Variants in ZNF804A observed in about 807,000 individuals in gnomAD.
The protein encoded by ZNF804A is zinc finger protein 804A.
ZNF804A carries 2 observed loss-of-function variants against 16.5 expected under a neutral mutation model. The observed-to-expected ratio is 0.12, with a 90% CI of 0.05 to 0.38. The LOEUF is 0.38. Ranked by LOEUF, ZNF804A falls within the 10% of genes least tolerant of loss-of-function variation. The probability of loss-of-function intolerance (pLI) is 0.99; values close to 1 mark genes in which losing one functional copy is unlikely to be tolerated. For synonymous variants in ZNF804A, 534 were observed against 489.6 expected (o/e 1.09, Z -1.20); for missense variants, 1,473 against 1,390.7 (o/e 1.06, Z -0.94).
At chr2:184,779,004 T>C (rs1694333429) in intron 1 of ZNF804A, among the ~76,000 whole-genome samples, 1 of 151,728 alleles carries the variant, frequency 6.6e-6, no homozygotes, top group South Asian at 2.1e-4. Context: ...GTAAATTTAA[T>C]AAAAATTAGA....
At chr2:184,599,132 G>A (rs1159455456) in intron 1 of ZNF804A, 62 bp downstream of exon 1, 2 of 1,284,496 alleles carry the variant, frequency 1.6e-6, no homozygotes, top group Non-Finnish European at 1.1e-6. Flanking sequence ...GGAAGATTGA[G>A]TTTTTGGAGG....
intron 1 of ZNF804A, among the ~76,000 whole-genome samples, chr2:184,643,443 A>G (rs1199443365): frequency 6.6e-6 from 1 of 151,962 alleles, no homozygotes; most frequent in Non-Finnish European, 1.5e-5. Flanking sequence ...TGAAAAATTA[A>G]AAAGAGATAT....
At chr2:184,860,329 G>C (rs1463983982) in intron 1 of ZNF804A, among the ~76,000 whole-genome samples, 2 of 152,228 alleles carry the variant, frequency 1.3e-5, no homozygotes, top group African/African-American at 4.8e-5. Flanking sequence ...CTTGGGGCCT[G>C]TGTCCATGGT....
chr2:184,802,529 T>A (rs1260006898), intron 1 of ZNF804A, among the ~76,000 whole-genome samples: 1 of 152,210 alleles, frequency 6.6e-6, no homozygotes, highest in African/African-American at 2.4e-5. Context: ...AATTACCATT[T>A]AACTGTTCAT....
chr2:184,727,934 C>G (rs139930344), intron 1 of ZNF804A, among the ~76,000 whole-genome samples: 18 of 151,782 alleles, frequency 1.2e-4, no homozygotes, highest in African/African-American at 3.9e-4. Flanking sequence ...GAACATTCAA[C>G]TGGTAAATGG....
chr2:184,912,951 T>G (rs999043421), intron 2 of ZNF804A, among the ~76,000 whole-genome samples: 3 of 152,108 alleles, frequency 2.0e-5, no homozygotes, highest in Non-Finnish European at 4.4e-5. Context: ...CCCATTAATA[T>G]ATTTTTCTTT....
At chr2:184,924,823 T>C (rs898859491) in intron 2 of ZNF804A, among the ~76,000 whole-genome samples, 4 of 151,990 alleles carry the variant, frequency 2.6e-5, no homozygotes, top group Non-Finnish European at 5.9e-5. Context: ...AGCATATTGT[T>C]TCATTTTCCT....
intron 1 of ZNF804A, among the ~76,000 whole-genome samples, chr2:184,797,921 C>T (rs1347623737): frequency 6.6e-6 from 1 of 151,836 alleles, no homozygotes; most frequent in African/African-American, 2.4e-5. Context: ...TGACTTATCT[C>T]AGCATTTGTT....
At chr2:184,778,616 T>G (rs1694327643) in intron 1 of ZNF804A, among the ~76,000 whole-genome samples, 1 of 151,670 alleles carries the variant, frequency 6.6e-6, no homozygotes, top group Admixed American at 6.6e-5. Flanking sequence ...CTAGGGTCCC[T>G]ACACAGTAAT....
intron 2 of ZNF804A, among the ~76,000 whole-genome samples, chr2:184,886,115 G>C (rs1684886368): frequency 6.6e-6 from 1 of 152,214 alleles, no homozygotes; most frequent in Admixed American, 6.5e-5. Flanking sequence ...TAGATACAAT[G>C]GAGGTACAGT....
intron 1 of ZNF804A, among the ~76,000 whole-genome samples, chr2:184,771,533 G>A (rs62176238): frequency 1.3e-5 from 2 of 151,604 alleles, no homozygotes; most frequent in South Asian, 4.2e-4. Context: ...GATCACTTGA[G>A]CCTAGGAGTT....
chr2:184,877,210 A>G (rs527256452), intron 2 of ZNF804A, among the ~76,000 whole-genome samples: 25 of 152,230 alleles, frequency 1.6e-4, no homozygotes, highest in African/African-American at 6.0e-4. Context: ...ACCATCCTTT[A>G]ACAAATACAC....
intron 1 of ZNF804A, among the ~76,000 whole-genome samples, chr2:184,732,369 A>G (rs575250561): frequency 2.0e-5 from 3 of 151,756 alleles, no homozygotes; most frequent in East Asian, 3.9e-4. Flanking sequence ...TTACTTCTGG[A>G]CCTTCTATCA....
At chr2:184,893,587 A>T (rs1483271117) in intron 2 of ZNF804A, among the ~76,000 whole-genome samples, 1 of 152,146 alleles carries the variant, frequency 6.6e-6, no homozygotes, top group African/African-American at 2.4e-5. Context: ...ATGAAAGATA[A>T]GAAAATAAAG....
chr2:184,755,086 G>C (rs1342529223), intron 1 of ZNF804A, among the ~76,000 whole-genome samples: 4 of 151,850 alleles, frequency 2.6e-5, no homozygotes, highest in African/African-American at 4.8e-5. Flanking sequence ...AACCATATGA[G>C]AGCAGAATGA....
At chr2:184,698,195 T>C (rs1692865025) in intron 1 of ZNF804A, among the ~76,000 whole-genome samples, 1 of 152,062 alleles carries the variant, frequency 6.6e-6, no homozygotes, top group Non-Finnish European at 1.5e-5. Context: ...TACTACATCA[T>C]AATAATGTAT....
At chr2:184,702,155 A>T (rs1692929226) in intron 1 of ZNF804A, among the ~76,000 whole-genome samples, 1 of 152,056 alleles carries the variant, frequency 6.6e-6, no homozygotes, top group Non-Finnish European at 1.5e-5. Flanking sequence ...TATGTCTAAG[A>T]ATTAAAAGTC....
chr2:184,775,099 A>G (rs540309924), intron 1 of ZNF804A, among the ~76,000 whole-genome samples: 2 of 151,828 alleles, frequency 1.3e-5, no homozygotes, highest in Admixed American at 6.6e-5. Flanking sequence ...TTTTTGACCT[A>G]TTGTAAGTAA....
intron 1 of ZNF804A, among the ~76,000 whole-genome samples, chr2:184,678,631 T>C (rs1263042340): frequency 6.6e-6 from 1 of 152,200 alleles, no homozygotes; most frequent in Non-Finnish European, 1.5e-5. Context: ...AGCATTTGCA[T>C]TGCTTTTCTT....
Sources: gnomAD v4.1 joint callset for allele counts (sites outside exome capture counted in the v4.1 genomes callset) on GRCh38, gnomAD v4.1.1 for gene constraint, MANE v1.5 for transcripts, NCBI Gene and HGNC (gene_info 2026-07-23, HGNC 2026-07-21) for gene names.